Variants in PHF20 observed in about 807,000 individuals in gnomAD.
PHF20 encodes PHD finger protein 20.
A neutral mutation model predicts 113.5 loss-of-function variants in PHF20; 23 were observed. That is an observed-to-expected ratio of 0.20 (90% CI 0.15 to 0.29). The LOEUF (loss-of-function observed/expected upper bound fraction) is 0.29, where lower values mean the gene tolerates loss of function less well. Ranked by LOEUF, PHF20 falls within the 10% of genes least tolerant of loss-of-function variation. PHF20 has a pLI of 1.00. For missense variants in PHF20, 943 were observed against 1,219.6 expected (o/e 0.77, Z 3.38); for synonymous variants, 434 against 457.3 (o/e 0.95, Z 0.65).
At chr20:35,879,938 A>G (rs1157906435) in intron 9 of PHF20, among the ~76,000 whole-genome samples, 1 of 152,106 alleles carries the variant, frequency 6.6e-6, no homozygotes, top group East Asian at 1.9e-4. Context: ...ATAATAAGCC[A>G]TGATCATGGC....
chr20:35,897,559 CTTT>C (rs150122625), intron 9 of PHF20, among the ~76,000 whole-genome samples: 10 of 107,670 alleles, frequency 9.3e-5, no homozygotes, highest in African/African-American at 3.5e-4. Context: ...TTCTGGATCC[CTTT>C]TTTTTTTTTT....
At chr20:35,895,023 T>C (rs912026430) in intron 9 of PHF20, among the ~76,000 whole-genome samples, 1 of 152,000 alleles carries the variant, frequency 6.6e-6, no homozygotes, top group Non-Finnish European at 1.5e-5. Context: ...CAGCTAATTT[T>C]TCTTCTTCTT....
In PHF20 at chr20:35,847,403, C is replaced by T. The variant is rs150074711; in HGVS notation, c.309C>T (p.Tyr103=). Residue 103 remains tyrosine, a synonymous_variant, in exon 4 of 18, where the codon TAC becomes TAT. Transcript: ENST00000374012. ...VLACWSDCRF[Y]PAKVTAVNKD... The stretch of plus-strand genomic sequence containing the variant: ...CTTGCTGGTCTGATTGTCGTTTTTA[C>T]CCGGCCAAAGTCACTGCTGTTAACA... The T allele has an allele frequency of 3.4e-4, 543 of 1,610,666 alleles. No individual in the cohort carries two copies. Among genetic ancestry groups the T allele is most frequent in the Non-Finnish European group, 4.5e-4 (530 of 1,178,138 alleles).
Position 35,881,530 on chromosome 20 carries a change from G to C in PHF20, c.1282+9701G>C, listed in dbSNP as rs532748792. Among the ~76,000 whole-genome samples the C allele has an allele frequency of 4.5e-5, 6 of 133,768 alleles. No individual in the cohort carries two copies. The Admixed American group carries it at 4.9e-4, about 11-fold the overall frequency. 87.8% of individuals were successfully genotyped at this position (133,768 alleles called of 152,430 possible). A position where few individuals can be genotyped will look rare whatever the true frequency, so the allele number is the denominator to read the frequency against. On this transcript the variant is annotated intron_variant, in intron 9 of 17. Coordinates refer to ENST00000374012, the MANE Select transcript of PHF20 (RefSeq NM_016436.5). ...CACTCCAGCCTGGGCGACAGAGCAA[G>C]ACTCTGTCTAAAAAAAAAAAAAAAA...
At chr20:35,776,550 C>T (rs148463548) in intron 1 of PHF20, among the ~76,000 whole-genome samples, 2 of 152,310 alleles carry the variant, frequency 1.3e-5, no homozygotes, top group Non-Finnish European at 2.9e-5. Flanking sequence ...AAGACTACCT[C>T]TGAAAGTGTT....
rs1210194570 is a variant in PHF20, at chr20:35,949,127, A to C, written c.*1500A>C. 1 of 152,674 alleles carries C rather than the reference A, an allele frequency of 6.5e-6. No homozygotes were observed. The highest frequency in any genetic ancestry group is 2.4e-5 in the African/African-American group (1 of 41,462). The allele number at this position is 152,674 out of a possible 1,614,324, so 9.5% of individuals were successfully genotyped here. A position where few individuals can be genotyped will look rare whatever the true frequency, so the allele number is the denominator to read the frequency against. ...TGAATTATAGGACAAGTATAAGCTGATCTGCTATAGCTGTCCATCAGAGAG... is the reference window on the plus strand; with the variant it reads ...TGAATTATAGGACAAGTATAAGCTGCTCTGCTATAGCTGTCCATCAGAGAG... On this transcript the variant is annotated 3_prime_UTR_variant, in exon 18 of 18. Coordinates refer to ENST00000374012, the MANE Select transcript of PHF20 (RefSeq NM_016436.5).
At chr20:35,905,854 C>T (rs983283729) in intron 10 of PHF20, among the ~76,000 whole-genome samples, 1 of 152,222 alleles carries the variant, frequency 6.6e-6, no homozygotes, top group African/African-American at 2.4e-5. Flanking sequence ...TTCTGTAATC[C>T]TGTCACTCAT....
chr20:35,862,057 C>T (rs1053717418), intron 5 of PHF20, among the ~76,000 whole-genome samples: 14 of 152,252 alleles, frequency 9.2e-5, no homozygotes, highest in Admixed American at 9.2e-4. Context: ...ATGAAACAGT[C>T]ACAATAGAGG....
At chr20:35,821,685 G>T (rs545326624) in intron 2 of PHF20, among the ~76,000 whole-genome samples, 3 of 152,170 alleles carry the variant, frequency 2.0e-5, no homozygotes, top group Non-Finnish European at 2.9e-5. Flanking sequence ...TGTGGTTATT[G>T]TGTGTAGAAT....
At chr20:35,940,487 C>G (rs1052778503) in intron 16 of PHF20, among the ~76,000 whole-genome samples, 1 of 151,908 alleles carries the variant, frequency 6.6e-6, no homozygotes, top group Non-Finnish European at 1.5e-5. Flanking sequence ...CTCGCACATT[C>G]GCAGGAGATG....
At chr20:35,893,788 G>T (rs1441277164) in intron 9 of PHF20, among the ~76,000 whole-genome samples, 1 of 151,824 alleles carries the variant, frequency 6.6e-6, no homozygotes, top group Non-Finnish European at 1.5e-5. Flanking sequence ...CTAATTTTTT[G>T]TATTTTTAGT....
chr20:35,938,615 C>T (rs2055912638), intron 15 of PHF20, 82 bp from the exon 16 acceptor site: 2 of 1,370,048 alleles, frequency 1.5e-6, no homozygotes, highest in Admixed American at 4.5e-5. Flanking sequence ...GCTGTCCCTA[C>T]TGGGAGAGTA....
At chr20:35,805,839 T>A (rs921105949) in intron 2 of PHF20, among the ~76,000 whole-genome samples, 1 of 151,864 alleles carries the variant, frequency 6.6e-6, no homozygotes, top group African/African-American at 2.4e-5. Flanking sequence ...AATACATGCA[T>A]TATACTCTGG....
At chr20:35,883,901 T>C (rs2054678901) in intron 9 of PHF20, among the ~76,000 whole-genome samples, 2 of 152,170 alleles carry the variant, frequency 1.3e-5, no homozygotes, top group African/African-American at 4.8e-5. Flanking sequence ...ATTAAAGCAG[T>C]GTGTACACTC....
intron 3 of PHF20, among the ~76,000 whole-genome samples, chr20:35,843,703 T>C (rs1178192953): frequency 6.6e-6 from 1 of 151,944 alleles, no homozygotes; most frequent in Non-Finnish European, 1.5e-5. Flanking sequence ...CCACTTCAAC[T>C]TCCCAAGTAG....
intron 4 of PHF20, chr20:35,849,586 T>C (rs2042683066): frequency 2.2e-6 from 1 of 457,018 alleles, no homozygotes; most frequent in Non-Finnish European, 4.5e-6. Context: ...TTAGAGCTGA[T>C]GGTCAGTTTG....
chr20:35,909,713 C>T (rs764359225), intron 10 of PHF20, among the ~76,000 whole-genome samples: 3 of 152,106 alleles, frequency 2.0e-5, no homozygotes, highest in Non-Finnish European at 4.4e-5. Context: ...GCTCAAATAC[C>T]CTTAAGTCCT....
intron 11 of PHF20, among the ~76,000 whole-genome samples, chr20:35,913,747 T>G (rs1051861499): frequency 6.6e-6 from 1 of 152,346 alleles, no homozygotes; most frequent in Middle Eastern, 3.4e-3. Context: ...CAAAAATGTT[T>G]AGAAAAATCT....
At chr20:35,892,063 G>GT (rs1015782190) in intron 9 of PHF20, among the ~76,000 whole-genome samples, 2 of 147,564 alleles carry the variant, frequency 1.4e-5, no homozygotes, top group African/African-American at 2.5e-5. Context: ...TTGTTTTTTT[G>GT]TTTTTTTTAA....
Sources: allele counts gnomAD v4.1 joint callset (sites outside exome capture counted in the v4.1 genomes callset), GRCh38; gene constraint gnomAD v4.1.1; transcripts MANE v1.5; gene names NCBI Gene and HGNC (gene_info 2026-07-23, HGNC 2026-07-21).